TULP2: variants seen among roughly 807,000 people sequenced by gnomAD.
TULP2 encodes the protein TUB like protein 2.
TULP2 carries 64 observed loss-of-function variants against 60.3 expected under a neutral mutation model. That is an observed-to-expected ratio of 1.06 (90% confidence interval 0.87 to 1.31). The LOEUF (loss-of-function observed/expected upper bound fraction) is 1.31. TULP2 is among the 50% of genes most tolerant of loss of function. The pLI, the probability that TULP2 is intolerant of heterozygous loss-of-function variation, is 0.00. For synonymous variants in TULP2, 267 were observed against 265.4 expected (o/e 1.01, Z -0.06); for missense variants, 652 against 667.0 (o/e 0.98, Z 0.25).
intron 7 of TULP2, among the ~76,000 whole-genome samples, chr19:48,889,063 G>A (rs190661452): frequency 7.1e-4 from 104 of 147,340 alleles, no homozygotes; most frequent in African/African-American, 2.1e-3. Flanking sequence ...TGCAACCTCC[G>A]CCTCCCAGGT....
rs138900694 is a variant in TULP2, at chr19:48,894,503, T to G, written c.514+495A>C. The stretch of plus-strand genomic sequence containing the variant: ...TAAAAATACAAAAATTAGCTGGGCG[T>G]GGTGATGCGCACCTGTAGTCCCAGC... On this transcript the variant is annotated intron_variant, in intron 6 of 12. Transcript: ENST00000221399. Among the ~76,000 whole-genome samples the G allele has an allele frequency of 1.3e-3, 205 of 151,912 alleles. 1 individual carries two copies. The East Asian group carries it at 0.019, about 14-fold the overall frequency.
intron 5 of TULP2, 70 bp from the exon 6 acceptor site, chr19:48,895,232 C>A: frequency 6.3e-7 from 1 of 1,578,086 alleles, no homozygotes; most frequent in Non-Finnish European, 8.6e-7. Context: ...GACCTGAACT[C>A]CTTGGTGTGA....
intron 6 of TULP2, among the ~76,000 whole-genome samples, chr19:48,890,994 C>T (rs777303115): frequency 9.9e-5 from 15 of 152,076 alleles, no homozygotes; most frequent in Non-Finnish European, 1.8e-4. Flanking sequence ...GAATGAAGTA[C>T]TGATAATACT....
At chr19:48,894,196 C>T (rs1214913396) in intron 6 of TULP2, among the ~76,000 whole-genome samples, 2 of 151,950 alleles carry the variant, frequency 1.3e-5, no homozygotes, top group Non-Finnish European at 2.9e-5. Flanking sequence ...CCTTGCCTGG[C>T]TAATTTTTGT....
intron 6 of TULP2, 73 bp from the exon 7 acceptor site, chr19:48,889,704 C>T (rs959235388): frequency 8.1e-6 from 11 of 1,350,226 alleles, no homozygotes; most frequent in African/African-American, 1.4e-5. Flanking sequence ...ATAGGAGACT[C>T]CATTTTGTTC....
At chr19:48,891,342 T>C (rs2037231407) in intron 6 of TULP2, among the ~76,000 whole-genome samples, 1 of 130,892 alleles carries the variant, frequency 7.6e-6, no homozygotes, top group African/African-American at 2.9e-5. Flanking sequence ...AAAAAAAATT[T>C]GTTAGGTGGG....
rs868567324 is a variant in TULP2 at position 48,884,119 on chromosome 19, C to T, written c.1062-73G>A. 1.5e-4 allele frequency: 186 copies of T among 1,210,698 alleles called. 4 individuals are homozygous for T. Among genetic ancestry groups the T allele is most frequent in the South Asian group, 1.3e-3 (104 of 78,426 alleles). The allele number at this position is 1,210,698 out of a possible 1,614,324, so 75.0% of individuals were successfully genotyped here. A position where few individuals can be genotyped will look rare whatever the true frequency, so the allele number is the denominator to read the frequency against. On this transcript the variant is annotated intron_variant, in intron 9 of 12. Coordinates refer to ENST00000221399, the MANE Select transcript of TULP2 (RefSeq NM_003323.3). Reference sequence around the variant, plus strand: ...TTTGAGTAAGTGTCACTCATCGCATCGACTCTTCCCATCAATCCCCTATGT... The same window carrying T: ...TTTGAGTAAGTGTCACTCATCGCATTGACTCTTCCCATCAATCCCCTATGT...
intron 7 of TULP2, 85 bp from the exon 8 acceptor site, chr19:48,888,346 T>G: frequency 3.6e-6 from 5 of 1,392,832 alleles, no homozygotes; most frequent in Non-Finnish European, 4.8e-6. Context: ...AGCCCTAGGG[T>G]CCCGCCCTTG....
chr19:48,897,815 A>G lies in TULP2; in HGVS notation c.32+22T>C. The G allele has an allele frequency of 6.2e-7, 1 of 1,612,898 alleles. No individual in the cohort carries two copies. The highest frequency in any genetic ancestry group is 8.5e-7 in the Non-Finnish European group (1 of 1,179,538). ...CCCAGCCCTTTCCACCTCCACCCCT[A>G]CCCATCTGTTTCCCTACTCACTCTC... On this transcript the variant is annotated intron_variant, in intron 2 of 12. Transcript: ENST00000221399. This position sits in a 1 kb window ranked among gnomAD's most constrained non-coding sequence, Gnocchi z 4.0.
At chr19:48,884,547 G>T (rs2037162747) in intron 9 of TULP2, among the ~76,000 whole-genome samples, 2 of 152,058 alleles carry the variant, frequency 1.3e-5, no homozygotes, top group African/African-American at 4.8e-5. Flanking sequence ...AAGGCGGGTG[G>T]ATCATCTGTG....
chr19:48,884,076 A>T (rs750324639), intron 9 of TULP2, 30 bp from the exon 10 acceptor site: 5 of 1,575,202 alleles, frequency 3.2e-6, no homozygotes, highest in Non-Finnish European at 4.4e-6. Context: ...GATAGAATAA[A>T]AATACTAAGT....
intron 11 of TULP2, among the ~76,000 whole-genome samples, chr19:48,883,506 T>TCAGA (rs2037152986): frequency 6.6e-6 from 1 of 152,168 alleles, no homozygotes; most frequent in Admixed American, 6.5e-5. Flanking sequence ...GGAGTCTGGA[T>TCAGA]CAGACCCCTT....
intron 4 of TULP2, 117 bp from the exon 5 acceptor site, chr19:48,895,620 C>T (rs2037271836): frequency 7.4e-7 from 1 of 1,355,982 alleles, no homozygotes; most frequent in Non-Finnish European, 1.0e-6. Context: ...TGGCTCACGC[C>T]TGTAATCCCA....
intron 8 of TULP2, 118 bp from the exon 9 acceptor site, chr19:48,885,678 G>A (rs2037173581): frequency 1.3e-6 from 1 of 781,426 alleles, no homozygotes; most frequent in Non-Finnish European, 2.0e-6. Context: ...GAGGACAGGA[G>A]TTCGAGACCA....
At position 48,883,948 on chromosome 19, in the gene TULP2, A is replaced by G. The variant is rs2037157163; in HGVS notation, c.1160T>C (p.Leu387Pro). The change falls in exon 10 of 13, where the codon CTG becomes CCG. Residue 387 changes from leucine to proline, a missense_variant. Transcript: ENST00000221399. ...TRNTARIRQELGAVCYEPNVL... is the reference protein window; with the variant it reads ...TRNTARIRQEPGAVCYEPNVL... ...GACACTCACATAACACACAGCCCCC[A>G]GCTCCTGTCTGATCCGGGCAGTATT... 1 of 1,613,920 alleles carries G rather than the reference A, an allele frequency of 6.2e-7. No individual in the cohort carries two copies. Among genetic ancestry groups the G allele is most frequent in the Non-Finnish European group, 8.5e-7 (1 of 1,179,998 alleles).
chr19:48,895,558 C>A, intron 4 of TULP2, 55 bp from the exon 5 acceptor site: 1 of 1,561,906 alleles, frequency 6.4e-7, no homozygotes, highest in South Asian at 1.1e-5. Flanking sequence ...CGGTCCTCAA[C>A]CAAAATCCAC....
intron 9 of TULP2, 98 bp downstream of exon 9, chr19:48,885,350 G>A: frequency 1.0e-6 from 1 of 960,448 alleles, no homozygotes. Flanking sequence ...TCCCTGAGCA[G>A]GTGGAAGGTA....
chr19:48,896,706 C>G (rs2037285919), intron 3 of TULP2, 150 bp from the exon 4 acceptor site: 2 of 908,456 alleles, frequency 2.2e-6, no homozygotes, highest in Admixed American at 6.6e-5. Context: ...CTCAGTTCTT[C>G]AGCAGCTCCT....
Position 48,888,070 on chromosome 19 carries a change from C to G in TULP2, c.828G>C (p.Val276=). Residue 276 remains valine (V), a synonymous_variant, in exon 8 of 13, where the codon GTG becomes GTC. Transcript: ENST00000221399. The stretch of plus-strand genomic sequence containing the variant: ...TGGTGCCCGGGAGCGCTGGCCGCAG[C>G]ACGTAGGCTTCCATGTCCTCCTCCA... ...PGLEEDMEAY[V]LRPALPGTMM... is the part of the protein sequence containing the mutation. 6.2e-7 allele frequency: 1 copy of G among 1,614,232 alleles called. No homozygotes were observed. Among genetic ancestry groups the G allele is most frequent in the Non-Finnish European group, 8.5e-7 (1 of 1,180,044 alleles).
Sources: allele counts gnomAD v4.1 joint callset (sites outside exome capture counted in the v4.1 genomes callset), GRCh38; gene constraint gnomAD v4.1.1; non-coding constraint Gnocchi (gnomAD v3.1); transcripts MANE v1.5; gene names NCBI Gene and HGNC (gene_info 2026-07-23, HGNC 2026-07-21).